The following USP24 variants were observed in gnomAD, a reference collection of about 807,000 sequenced individuals.
USP24 encodes the protein ubiquitin carboxyl-terminal hydrolase 24.
A neutral mutation model predicts 361.6 loss-of-function variants in USP24; 97 were observed. That is an observed-to-expected ratio of 0.27 (90% CI 0.23 to 0.32). The LOEUF (loss-of-function observed/expected upper bound fraction) is 0.32. Ranked by LOEUF, USP24 falls within the 10% of genes least tolerant of loss-of-function variation. The pLI, the probability that USP24 is intolerant of heterozygous loss-of-function variation, is 1.00. For synonymous variants in USP24, 1,098 were observed against 1,124.6 expected, an observed-to-expected ratio of 0.98 and a Z score of 0.47; for missense variants, 2,353 against 3,165.6, an observed-to-expected ratio of 0.74 and a Z score of 6.16.
At chr1:55,093,228 C>G (rs1450242135) in intron 52 of USP24, among the ~76,000 whole-genome samples, 1 of 152,170 alleles carries the variant, frequency 6.6e-6, no homozygotes, top group African/African-American at 2.4e-5. Flanking sequence ...CAGAGCTCTC[C>G]CAAGCACAAC....
rs1381012240 is a variant in USP24 at position 55,099,845 on chromosome 1, G to T, written c.5296C>A (p.Leu1766Ile). Reference sequence around the variant, plus strand: ...GCATCCTGCTGTTCTCTCACATAAAGTTCTTTATTCCACATCTTGAAAATC... The same window carrying T: ...GCATCCTGCTGTTCTCTCACATAAATTTCTTTATTCCACATCTTGAAAATC... ...WKIFKMWNKE[L>I]YVREQQDAYE... The change falls in exon 45 of 68, where the codon CTT becomes ATT. Residue 1766 changes from leucine (L) to isoleucine (I), a missense_variant. Physicochemically the swap from Leu to Ile is conservative, Grantham distance 5. Transcript: ENST00000294383. 1 of 1,554,398 alleles carries T rather than the reference G, an allele frequency of 6.4e-7. No individual in the cohort carries two copies. Among genetic ancestry groups the T allele is most frequent in the Admixed American group, 2.0e-5 (1 of 51,166 alleles).
chr1:55,105,097 A>C (rs577484682), intron 41 of USP24, among the ~76,000 whole-genome samples: 5 of 152,222 alleles, frequency 3.3e-5, no homozygotes, highest in African/African-American at 1.2e-4. Flanking sequence ...TTACAAAAAC[A>C]CTCCTTCCTT....
intron 7 of USP24, among the ~76,000 whole-genome samples, chr1:55,164,965 G>A (rs970722236): frequency 2.0e-5 from 3 of 152,226 alleles, no homozygotes; most frequent in East Asian, 1.9e-4. Flanking sequence ...TTCCAGGGAA[G>A]CAAGTGGAGG....
At chr1:55,115,376 G>A (rs1646078709) in intron 38 of USP24, among the ~76,000 whole-genome samples, 1 of 150,434 alleles carries the variant, frequency 6.6e-6, no homozygotes, top group African/African-American at 2.4e-5. Context: ...GGCGCCTGTA[G>A]TCCCAGCTAC....
rs530972031 is a variant in USP24 at position 55,182,200 on chromosome 1, T to C, written c.325-4068A>G. ...CCAAGTAGCTGGGACTATAGGCATGTGCCACCACGCCCGGCTAATTTTTGT... is the reference window on the plus strand; with the variant it reads ...CCAAGTAGCTGGGACTATAGGCATGCGCCACCACGCCCGGCTAATTTTTGT... On this transcript the variant is annotated intron_variant, in intron 1 of 67. Transcript: ENST00000294383. 1.0e-3 allele frequency among the ~76,000 whole-genome samples: 156 copies of C among 152,286 alleles called. 1 individual carries two copies. Among genetic ancestry groups the C allele is most frequent in the South Asian group, 2.7e-3 (13 of 4,818 alleles).
chr1:55,147,103 A>C (rs774383074), intron 18 of USP24, 43 bp from the exon 19 acceptor site: 3 of 1,495,798 alleles, frequency 2.0e-6, no homozygotes, highest in East Asian at 4.9e-5. Flanking sequence ...CCAGGCATTC[A>C]TTCCTAAAAG....
chr1:55,139,394 A>G (rs780351281), intron 24 of USP24, among the ~76,000 whole-genome samples: 10 of 152,234 alleles, frequency 6.6e-5, no homozygotes, highest in Admixed American at 2.0e-4. Context: ...TTCTGTGAAC[A>G]CATGAAATCT....
chr1:55,136,162 C>T (rs1023233912), intron 28 of USP24, among the ~76,000 whole-genome samples: 1 of 152,076 alleles, frequency 6.6e-6, no homozygotes. Flanking sequence ...ACAAGACAGT[C>T]AGAGAAGGCT....
intron 36 of USP24, 104 bp from the exon 37 acceptor site, chr1:55,121,610 C>T (rs1646283796): frequency 2.3e-6 from 2 of 864,642 alleles, no homozygotes; most frequent in Non-Finnish European, 3.6e-6. Context: ...AAGCTCTTCT[C>T]TTTTACATAC....
At chr1:55,166,334 A>G (rs974536379) in intron 6 of USP24, among the ~76,000 whole-genome samples, 1 of 152,084 alleles carries the variant, frequency 6.6e-6, no homozygotes, top group Non-Finnish European at 1.5e-5. Context: ...GAATCCTTGC[A>G]TTGATCCTTC....
intron 45 of USP24, among the ~76,000 whole-genome samples, chr1:55,098,966 G>C (rs903457503): frequency 6.6e-6 from 1 of 152,200 alleles, no homozygotes; most frequent in Non-Finnish European, 1.5e-5. Context: ...GTGACAGCGG[G>C]ATCTGAGAAG....
At position 55,098,467 on chromosome 1, in the gene USP24, T is replaced by C. The variant is rs1323658940; in HGVS notation, c.5453+9A>G. On this transcript the variant is annotated intron_variant, in intron 46 of 67. Coordinates refer to ENST00000294383, the MANE Select transcript of USP24 (RefSeq NM_015306.3). ...TCATTTTTCCTGTGTCGGTGATATCTTCACTCACCTGTGAGGACAGTCTTT... is the reference window on the plus strand; with the variant it reads ...TCATTTTTCCTGTGTCGGTGATATCCTCACTCACCTGTGAGGACAGTCTTT... 6.2e-7 allele frequency: 1 copy of C among 1,603,426 alleles called. No individual in the cohort carries two copies. The highest frequency in any genetic ancestry group is 8.5e-7 in the Non-Finnish European group (1 of 1,171,590).
At chr1:55,158,077 C>T (rs1647874883) in intron 10 of USP24, among the ~76,000 whole-genome samples, 1 of 152,218 alleles carries the variant, frequency 6.6e-6, no homozygotes, top group South Asian at 2.1e-4. Context: ...TTGTCTTGAT[C>T]TCTACCGTAT....
At chr1:55,124,236 T>C (rs1646363103) in intron 35 of USP24, among the ~76,000 whole-genome samples, 1 of 152,224 alleles carries the variant, frequency 6.6e-6, no homozygotes, top group African/African-American at 2.4e-5. Flanking sequence ...TTGATTTGGT[T>C]TCTTCACTTA....
intron 1 of USP24, among the ~76,000 whole-genome samples, chr1:55,178,768 G>A (rs1382410085): frequency 6.6e-6 from 1 of 152,024 alleles, no homozygotes; most frequent in African/African-American, 2.4e-5. Flanking sequence ...GCTCATGCCT[G>A]TAACCCTAGC....
At chr1:55,140,449 T>C (rs1335533086) in intron 24 of USP24, among the ~76,000 whole-genome samples, 7 of 152,168 alleles carry the variant, frequency 4.6e-5, no homozygotes, top group Admixed American at 2.6e-4. Flanking sequence ...GTGAAAGTCA[T>C]GTTAGTGTTC....
chr1:55,114,032 A>G (rs1250861362), intron 38 of USP24, among the ~76,000 whole-genome samples: 2 of 152,218 alleles, frequency 1.3e-5, no homozygotes, highest in Non-Finnish European at 2.9e-5. Flanking sequence ...TCAGGCCAAA[A>G]TCTCCTTAAG....
chr1:55,171,783 T>C (rs1259211196), intron 4 of USP24, 105 bp from the exon 5 acceptor site: 7 of 1,271,886 alleles, frequency 5.5e-6, no homozygotes, highest in Non-Finnish European at 7.5e-6. Context: ...CCCTCATTAA[T>C]GGGATCTTTC....
chr1:55,131,798 C>T (rs1646599820), intron 31 of USP24, among the ~76,000 whole-genome samples: 1 of 152,202 alleles, frequency 6.6e-6, no homozygotes, highest in Non-Finnish European at 1.5e-5. Flanking sequence ...ACTGCTTAGG[C>T]ACTGATATGG....
Sources: gnomAD v4.1 joint callset for allele counts (sites outside exome capture counted in the v4.1 genomes callset) on GRCh38, gnomAD v4.1.1 for gene constraint, MANE v1.5 for transcripts, NCBI Gene and HGNC (gene_info 2026-07-23, HGNC 2026-07-21) for gene names.